The following HYCC2 variants were observed in gnomAD, a reference collection of about 807,000 sequenced individuals.
HYCC2 encodes the protein hyccin 2.
the HYCC2 span, among the ~76,000 whole-genome samples, chr2:201,041,449 C>A: frequency 6.6e-6 from 1 of 152,368 alleles, no homozygotes; most frequent in South Asian, 2.1e-4. Context: ...TCTGTGCAGG[C>A]TGTTCCAGCC....
At chr2:201,061,514 A>G in the HYCC2 span, 30 of 152,272 alleles carry the variant, frequency 2.0e-4, no homozygotes, top group African/African-American at 7.2e-4. Context: ...CACAACAATC[A>G]TAATCAATTA....
the HYCC2 span, among the ~76,000 whole-genome samples, chr2:201,012,575 A>G: frequency 6.6e-6 from 1 of 152,160 alleles, no homozygotes; most frequent in Non-Finnish European, 1.5e-5. Context: ...AAAACACTTT[A>G]TTTTCATAAA....
At chr2:201,027,906 G>T in the HYCC2 span, among the ~76,000 whole-genome samples, 5 of 152,182 alleles carry the variant, frequency 3.3e-5, no homozygotes, top group African/African-American at 1.2e-4. Flanking sequence ...ACTGGCACAA[G>T]ATAGGGATGC....
the HYCC2 span, among the ~76,000 whole-genome samples, chr2:201,034,587 G>T: frequency 6.6e-6 from 1 of 152,162 alleles, no homozygotes; most frequent in African/African-American, 2.4e-5. Context: ...CTTTTAATTG[G>T]AGGATTTAGC....
the HYCC2 span, chr2:200,974,737 A>G: frequency 6.6e-6 from 1 of 152,010 alleles, no homozygotes; most frequent in Non-Finnish European, 1.5e-5. Flanking sequence ...AATACATTCC[A>G]TGATTTCCAA....
chr2:201,033,391 T>C, the HYCC2 span, among the ~76,000 whole-genome samples: 1 of 150,160 alleles, frequency 6.7e-6, no homozygotes, highest in Non-Finnish European at 1.5e-5. Context: ...TTTTATTTTA[T>C]TTTATTTTAT....
At chr2:201,060,704 C>A in the HYCC2 span, among the ~76,000 whole-genome samples, 1 of 152,264 alleles carries the variant, frequency 6.6e-6, no homozygotes, top group African/African-American at 2.4e-5. Context: ...CTGTTTCCGG[C>A]AGCCAAACAC....
the HYCC2 span, among the ~76,000 whole-genome samples, chr2:201,028,570 A>G: frequency 5.9e-5 from 9 of 152,324 alleles, no homozygotes; most frequent in Non-Finnish European, 1.0e-4. Flanking sequence ...ACTATACTAC[A>G]AGGCTACAGT....
chr2:201,038,797 T>C, the HYCC2 span, among the ~76,000 whole-genome samples: 1 of 151,998 alleles, frequency 6.6e-6, no homozygotes, highest in Non-Finnish European at 1.5e-5. Context: ...TAATGTTAAA[T>C]GATGAGTTAG....
At chr2:201,042,515 G>T in the HYCC2 span, among the ~76,000 whole-genome samples, 1 of 150,996 alleles carries the variant, frequency 6.6e-6, no homozygotes, top group Non-Finnish European at 1.5e-5. Flanking sequence ...ACTGAGGAGT[G>T]TCTCTGCCCC....
At chr2:201,003,811 T>C in the HYCC2 span, among the ~76,000 whole-genome samples, 1 of 136,552 alleles carries the variant, frequency 7.3e-6, no homozygotes, top group African/African-American at 2.7e-5. Context: ...GTTGCTTTTT[T>C]TTTTTTTTTT....
the HYCC2 span, chr2:201,063,655 T>G: frequency 6.4e-7 from 1 of 1,573,616 alleles, no homozygotes; most frequent in Non-Finnish European, 8.6e-7. Context: ...TGACTAGTGC[T>G]TCATCTAGCC....
At chr2:200,988,515 A>T in the HYCC2 span, 1 of 832,868 alleles carries the variant, frequency 1.2e-6, no homozygotes, top group Non-Finnish European at 1.8e-6. Flanking sequence ...ATGTATTTAA[A>T]ATTTGCATTA....
the HYCC2 span, among the ~76,000 whole-genome samples, chr2:200,984,287 GC>G: frequency 2.6e-5 from 4 of 152,142 alleles, no homozygotes; most frequent in African/African-American, 9.7e-5. Context: ...CAATCCACCT[GC>G]CTGGGCCTCC....
the HYCC2 span, among the ~76,000 whole-genome samples, chr2:201,055,165 CT>C: frequency 3.9e-5 from 6 of 151,996 alleles, no homozygotes; most frequent in African/African-American, 1.5e-4. Flanking sequence ...ATATTGGCAT[CT>C]TTTTTTCTTT....
At chr2:201,033,138 A>C in the HYCC2 span, among the ~76,000 whole-genome samples, 3 of 148,966 alleles carry the variant, frequency 2.0e-5, no homozygotes, top group South Asian at 6.3e-4. Context: ...AGAAATCAAA[A>C]AGCTATTTGT....
the HYCC2 span, among the ~76,000 whole-genome samples, chr2:201,060,054 C>CGGG: frequency 2.5e-4 from 9 of 36,594 alleles, no homozygotes; most frequent in Non-Finnish European, 5.3e-4. Flanking sequence ...AAAAAAAAAG[C>CGGG]GGGGGGGGGG....
chr2:201,029,434 T>C, the HYCC2 span, among the ~76,000 whole-genome samples: 96 of 152,318 alleles, frequency 6.3e-4, no homozygotes, highest in African/African-American at 2.1e-3. Context: ...ACTGGGTATA[T>C]ACCCAAAAGA....
At chr2:201,018,619 T>A in the HYCC2 span, among the ~76,000 whole-genome samples, 1 of 152,216 alleles carries the variant, frequency 6.6e-6, no homozygotes, top group Non-Finnish European at 1.5e-5. Flanking sequence ...TACATCCTAG[T>A]CTAGTAAATA....
Sources: allele counts gnomAD v4.1 joint callset (sites outside exome capture counted in the v4.1 genomes callset), GRCh38; gene constraint gnomAD v4.1.1; transcripts MANE v1.5; gene names NCBI Gene and HGNC (gene_info 2026-07-23, HGNC 2026-07-21).